Variants in YPEL2 observed in about 807,000 individuals in gnomAD.
YPEL2 encodes yippee like 2.
In YPEL2, 2 loss-of-function variants were observed where a neutral mutation model predicts 19.1. The ratio of observed to expected loss-of-function variants is 0.10; its 90% CI spans 0.04 to 0.33. The LOEUF (loss-of-function observed/expected upper bound fraction) is 0.33. Ranked by LOEUF, YPEL2 falls within the 10% of genes least tolerant of loss-of-function variation. The pLI is 1.00. For synonymous variants in YPEL2, 52 were observed against 50.0 expected (o/e 1.04, Z -0.17); for missense variants, 66 against 140.7 (o/e 0.47, Z 2.68).
chr17:59,372,726 C>G (rs1432239557), intron 2 of YPEL2, among the ~76,000 whole-genome samples: 1 of 152,208 alleles, frequency 6.6e-6, no homozygotes, highest in Non-Finnish European at 1.5e-5. Flanking sequence ...GAGGCAGGAG[C>G]CTTGTAAGAT....
intron 1 of YPEL2, among the ~76,000 whole-genome samples, chr17:59,340,769 G>A (rs901564272): frequency 6.7e-6 from 1 of 149,828 alleles, no homozygotes; most frequent in Non-Finnish European, 1.5e-5. Flanking sequence ...AGGCTGGAGT[G>A]CAGTGACGCC....
At chr17:59,360,099 C>T (rs986342151) in intron 2 of YPEL2, among the ~76,000 whole-genome samples, 14 of 152,064 alleles carry the variant, frequency 9.2e-5, no homozygotes, top group African/African-American at 2.9e-4. Flanking sequence ...TTTTTTGAGA[C>T]GGAATCTTGC....
chr17:59,380,414 C>T (rs2047943246), intron 2 of YPEL2, among the ~76,000 whole-genome samples: 1 of 151,332 alleles, frequency 6.6e-6, no homozygotes, highest in Admixed American at 6.6e-5. Context: ...GGATTACAGG[C>T]ATGCATCACC....
chr17:59,334,566 G>A (rs370359125), intron 1 of YPEL2, among the ~76,000 whole-genome samples: 5 of 93,236 alleles, frequency 5.4e-5, no homozygotes, highest in African/African-American at 3.6e-4. Context: ...CTGCCTTCAG[G>A]CACAAACACA....
At chr17:59,366,987 TAAATACACGAG>T (rs1481432728) in intron 2 of YPEL2, among the ~76,000 whole-genome samples, 1 of 152,114 alleles carries the variant, frequency 6.6e-6, no homozygotes, top group Non-Finnish European at 1.5e-5. Context: ...AGGTGCTGGG[TAAATACACGAG>T]AAAGGAAAGC....
At position 59,398,144 on chromosome 17, in the gene YPEL2, T is replaced by C. The variant is rs1339804413; in HGVS notation, c.*954T>C. On this transcript the variant is annotated 3_prime_UTR_variant, in exon 5 of 5. Coordinates refer to ENST00000312655, the MANE Select transcript of YPEL2 (RefSeq NM_001005404.4). ...AATAAAAAGTAGGATCAGTTAGCAA[T>C]TCTAACTGCCCTTCCTTCTGACCCC... 1 of 152,152 alleles carries C rather than the reference T, an allele frequency of 6.6e-6. No individual in the cohort carries two copies. Among genetic ancestry groups the C allele is most frequent in the African/African-American group, 2.4e-5 (1 of 41,422 alleles). 9.4% of individuals were successfully genotyped at this position (152,152 alleles called of 1,614,324 possible).
chr17:59,384,854 C>T (rs560455751), intron 2 of YPEL2, among the ~76,000 whole-genome samples: 1 of 152,280 alleles, frequency 6.6e-6, no homozygotes, highest in East Asian at 1.9e-4. Context: ...ATGCATTCTT[C>T]AAAGTCTTTC....
chr17:59,354,774 C>G (rs1175213678), intron 2 of YPEL2: 2 of 152,322 alleles, frequency 1.3e-5, no homozygotes, highest in African/African-American at 4.8e-5. Flanking sequence ...CTTTATGGTT[C>G]TGCTAATTCC....
intron 1 of YPEL2, among the ~76,000 whole-genome samples, chr17:59,332,775 A>G (rs993776828): frequency 6.6e-6 from 1 of 152,156 alleles, no homozygotes; most frequent in Non-Finnish European, 1.5e-5. Context: ...CCCGCCCCCC[A>G]GTCCCGCCGC....
intron 4 of YPEL2, among the ~76,000 whole-genome samples, chr17:59,393,631 T>G (rs1598055050): frequency 6.8e-6 from 1 of 147,880 alleles, no homozygotes; most frequent in East Asian, 1.9e-4. Context: ...AACAAAGGTC[T>G]CTGGTTTTCC....
chr17:59,376,473 C>G (rs958525819), intron 2 of YPEL2, among the ~76,000 whole-genome samples: 1 of 152,210 alleles, frequency 6.6e-6, no homozygotes, highest in Non-Finnish European at 1.5e-5. Context: ...CTGCCTTGGC[C>G]TCCCAAAGTG....
chr17:59,333,619 T>C (rs2047683229), intron 1 of YPEL2, among the ~76,000 whole-genome samples: 1 of 152,152 alleles, frequency 6.6e-6, no homozygotes, highest in South Asian at 2.1e-4. Context: ...GGTTTTTTTT[T>C]CTACTTCATT....
chr17:59,346,214 G>A (rs1318061636), intron 1 of YPEL2, among the ~76,000 whole-genome samples: 2 of 152,208 alleles, frequency 1.3e-5, no homozygotes, highest in Non-Finnish European at 2.9e-5. Context: ...TCCAGCCAGG[G>A]CTGCTTTCAT....
chr17:59,365,285 G>A (rs1355301190), intron 2 of YPEL2, among the ~76,000 whole-genome samples: 1 of 152,158 alleles, frequency 6.6e-6, no homozygotes, highest in African/African-American at 2.4e-5. Context: ...TATCCCAGGG[G>A]GACCAGCAGG....
chr17:59,359,362 G>A (rs963007663), intron 2 of YPEL2, among the ~76,000 whole-genome samples: 6 of 152,052 alleles, frequency 3.9e-5, no homozygotes, highest in Non-Finnish European at 7.4e-5. Flanking sequence ...TTCTCTAGAT[G>A]TCTGGAAAAC....
At chr17:59,366,644 A>T (rs1372203616) in intron 2 of YPEL2, among the ~76,000 whole-genome samples, 2 of 152,080 alleles carry the variant, frequency 1.3e-5, no homozygotes, top group Non-Finnish European at 2.9e-5. Flanking sequence ...CTTTGTTTAC[A>T]TTCCTGACCT....
At chr17:59,349,730 G>C (rs1018480153) in intron 1 of YPEL2, among the ~76,000 whole-genome samples, 6 of 151,822 alleles carry the variant, frequency 4.0e-5, no homozygotes, top group Admixed American at 3.3e-4. Context: ...GCACGATCTC[G>C]GCTCACTGCA....
At chr17:59,392,666 A>G (rs569853117) in intron 4 of YPEL2, among the ~76,000 whole-genome samples, 1 of 151,690 alleles carries the variant, frequency 6.6e-6, no homozygotes, top group African/African-American at 2.4e-5. Flanking sequence ...GTGCGCCACC[A>G]CGCCCAGCTA....
Position 59,381,678 on chromosome 17 carries a change from G to A in YPEL2, c.118-6649G>A, listed in dbSNP as rs770087786. Among the ~76,000 whole-genome samples, 3 of 152,282 alleles carry A rather than the reference G, an allele frequency of 2.0e-5. No homozygotes were observed. In the South Asian group the frequency reaches 6.2e-4, roughly 32 times the overall value. Reference sequence around the variant, plus strand: ...CTGTTCCTTTGAGCTGGCTGGAAGGGCTGGGCCTGGAACTATTACTTTACT... The same window carrying A: ...CTGTTCCTTTGAGCTGGCTGGAAGGACTGGGCCTGGAACTATTACTTTACT... On this transcript the variant is annotated intron_variant, in intron 2 of 4. Coordinates refer to ENST00000312655, the MANE Select transcript of YPEL2 (RefSeq NM_001005404.4).
Sources: gnomAD v4.1 joint callset for allele counts (sites outside exome capture counted in the v4.1 genomes callset) on GRCh38, gnomAD v4.1.1 for gene constraint, MANE v1.5 for transcripts, NCBI Gene and HGNC (gene_info 2026-07-23, HGNC 2026-07-21) for gene names.